Variants in MAPKAPK2 observed in about 807,000 individuals in gnomAD.
MAPKAPK2 encodes the protein MAPK activated protein kinase 2, also known as MAP kinase-activated protein kinase 2.
In MAPKAPK2, 9 loss-of-function variants were observed where a neutral mutation model predicts 48.8. That is an observed-to-expected ratio of 0.18 (90% CI 0.11 to 0.32). MAPKAPK2 has a LOEUF of 0.32. MAPKAPK2 is among the 10% of genes least tolerant of loss of function. The probability of loss-of-function intolerance (pLI) is 1.00; values close to 1 mark genes in which losing one functional copy is unlikely to be tolerated. For missense variants in MAPKAPK2, 331 were observed against 498.3 expected (o/e 0.66, Z 3.20); for synonymous variants, 202 against 190.6 (o/e 1.06, Z -0.49).
chr1:206,693,359 C>T (rs1343509597), intron 1 of MAPKAPK2, among the ~76,000 whole-genome samples: 1 of 152,174 alleles, frequency 6.6e-6, no homozygotes, highest in Admixed American at 6.5e-5. Flanking sequence ...CCTGCTTGCC[C>T]CTTTCTCTTC....
chr1:206,730,771 TGCTGGGGAGGGG>T lies in MAPKAPK2; in HGVS notation c.767+15_767+26del. 1 of 986,472 alleles carries T rather than the reference TGCTGGGGAGGGG, an allele frequency of 1.0e-6. No homozygotes were observed. Among genetic ancestry groups the T allele is most frequent in the Non-Finnish European group, 1.5e-6 (1 of 661,842 alleles). The allele number at this position is 986,472 out of a possible 1,614,324, so 61.1% of individuals were successfully genotyped here. A position where few individuals can be genotyped will look rare whatever the true frequency, so the allele number is the denominator to read the frequency against. Reference sequence around the variant, plus strand: ...TGTCATCATGTACATCCTGTGAGTGTGCTGGGGAGGGGGCTGGGTGGGGCAGGGAGTCAGGGC... The same window carrying T: ...TGTCATCATGTACATCCTGTGAGTGTGCTGGGTGGGGCAGGGAGTCAGGGC... On this transcript the variant is annotated intron_variant, in intron 6 of 9. Transcript: ENST00000367103.
At chr1:206,724,146 G>A (rs976748103) in intron 1 of MAPKAPK2, among the ~76,000 whole-genome samples, 3 of 152,208 alleles carry the variant, frequency 2.0e-5, no homozygotes, top group South Asian at 4.1e-4. Flanking sequence ...ATGGTTCAGG[G>A]CCTGTTGGCC....
intron 1 of MAPKAPK2, among the ~76,000 whole-genome samples, chr1:206,691,865 T>C (rs1553426345): frequency 6.6e-6 from 1 of 152,178 alleles, no homozygotes; most frequent in Non-Finnish European, 1.5e-5. Context: ...GCAGCCTGTG[T>C]CCAGTTAATG....
rs371586112 is a variant in MAPKAPK2, at chr1:206,708,507, TG to T, written c.280-20199del. 8.7e-4 allele frequency among the ~76,000 whole-genome samples: 132 copies of T among 152,356 alleles called. 1 individual carries two copies. The Middle Eastern group carries it at 0.017, about 20-fold the overall frequency. On this transcript the variant is annotated intron_variant, in intron 1 of 9. Coordinates refer to ENST00000367103, the MANE Select transcript of MAPKAPK2 (RefSeq NM_032960.4). ...ATCCATTGACCAGTCCATCTTATTT[TG>T]GGGATGCATTTTGTAGTAAATTGCA... is the stretch of plus-strand genomic sequence containing the variant.
At chr1:206,701,599 T>C (rs1169338091) in intron 1 of MAPKAPK2, among the ~76,000 whole-genome samples, 7 of 152,008 alleles carry the variant, frequency 4.6e-5, no homozygotes, top group African/African-American at 1.2e-4. Context: ...TTCATGAGGC[T>C]GAGGCAGGCA....
intron 4 of MAPKAPK2, 30 bp from the exon 5 acceptor site, chr1:206,729,942 G>T (rs782685184): frequency 1.2e-6 from 2 of 1,613,924 alleles, no homozygotes; most frequent in Admixed American, 1.7e-5. Flanking sequence ...GTCCAGCAGG[G>T]TTGCTATTTT....
intron 4 of MAPKAPK2, 151 bp downstream of exon 4, chr1:206,729,626 T>A: frequency 1.4e-6 from 1 of 726,102 alleles, no homozygotes; most frequent in Non-Finnish European, 2.4e-6. Context: ...TTGCCCTCTC[T>A]GCCCATGGGC....
intron 1 of MAPKAPK2, among the ~76,000 whole-genome samples, chr1:206,686,209 C>T (rs977796410): frequency 2.2e-4 from 33 of 152,320 alleles, no homozygotes; most frequent in African/African-American, 7.7e-4. Flanking sequence ...GTGTCCGCGG[C>T]CCGGCTGATC....
intron 1 of MAPKAPK2, among the ~76,000 whole-genome samples, chr1:206,721,802 G>A (rs1037964730): frequency 6.6e-6 from 1 of 152,142 alleles, no homozygotes; most frequent in African/African-American, 2.4e-5. Flanking sequence ...GCAAAGGTTG[G>A]GCAGTCAATT....
At chr1:206,723,372 T>C (rs184548597) in intron 1 of MAPKAPK2, among the ~76,000 whole-genome samples, 54 of 152,314 alleles carry the variant, frequency 3.5e-4, no homozygotes, top group Non-Finnish European at 1.2e-4. Flanking sequence ...TTATTCTTAG[T>C]TATTTACATC....
chr1:206,720,959 A>G (rs1673497578), intron 1 of MAPKAPK2, among the ~76,000 whole-genome samples: 2 of 152,348 alleles, frequency 1.3e-5, no homozygotes, highest in Middle Eastern at 3.4e-3. Context: ...TCACTTTTAC[A>G]TAAAACAACC....
chr1:206,688,712 A>G (rs1216760598), intron 1 of MAPKAPK2, among the ~76,000 whole-genome samples: 1 of 152,042 alleles, frequency 6.6e-6, no homozygotes, highest in Non-Finnish European at 1.5e-5. Flanking sequence ...ATCTTGGCTC[A>G]CTGCAAGCTC....
rs1272104950 is a variant in MAPKAPK2, at chr1:206,732,983, T to TA, written c.*266dup. The TA allele has an allele frequency of 4.9e-5, 22 of 449,816 alleles. No homozygotes were observed. The highest frequency in any genetic ancestry group is 3.0e-4 in the African/African-American group (15 of 50,722). The allele number at this position is 449,816 out of a possible 1,614,324, so 27.9% of individuals were successfully genotyped here. On this transcript the variant is annotated 3_prime_UTR_variant, in exon 10 of 10. Coordinates refer to ENST00000367103, the MANE Select transcript of MAPKAPK2 (RefSeq NM_032960.4). The surrounding 1 kb of genome is among the most constrained non-coding windows in gnomAD (Gnocchi z 4.4). ...TTGCAATTTTATCAGTAATTTGACT[T>TA]AGAGTTTTTACGAAACCTCTTTTGT...
At chr1:206,727,003 G>A (rs1002722783) in intron 1 of MAPKAPK2, among the ~76,000 whole-genome samples, 37 of 151,842 alleles carry the variant, frequency 2.4e-4, no homozygotes, top group African/African-American at 8.2e-4. Context: ...TGCTTCCCAC[G>A]TTTCCCTCTG....
rs782331833 is a variant in MAPKAPK2 at position 206,728,766 on chromosome 1, C to T, written c.336C>T (p.Ser112=). 1 of 1,613,966 alleles carries T rather than the reference C, an allele frequency of 6.2e-7. No individual in the cohort carries two copies. The highest frequency in any genetic ancestry group is 8.5e-7 in the Non-Finnish European group (1 of 1,179,992). Residue 112 remains serine, a synonymous_variant, in exon 2 of 10, where the codon TCC becomes TCT. Transcript: ENST00000367103. ...AGGTGGAGCTGCACTGGCGGGCCTC[C>T]CAGTGCCCGCACATCGTACGGATCG... ...RREVELHWRA[S]QCPHIVRIVD... is the part of the protein sequence containing the mutation.
intron 1 of MAPKAPK2, chr1:206,696,358 T>C (rs1672625051): frequency 1.4e-6 from 1 of 692,708 alleles, no homozygotes; most frequent in African/African-American, 1.8e-5. Context: ...AAAACCTACA[T>C]CTTCATTATT....
chr1:206,700,003 CTT>C (rs574216957), intron 1 of MAPKAPK2, among the ~76,000 whole-genome samples: 244 of 126,252 alleles, frequency 1.9e-3, no homozygotes, highest in African/African-American at 5.7e-3. Context: ...CTTCTTCTTA[CTT>C]TTTTTTTTTT....
At chr1:206,712,015 A>C (rs1673162166) in intron 1 of MAPKAPK2, among the ~76,000 whole-genome samples, 1 of 152,224 alleles carries the variant, frequency 6.6e-6, no homozygotes, top group Non-Finnish European at 1.5e-5. Flanking sequence ...TACTATCATA[A>C]ACTCCATTTA....
chr1:206,705,156 C>T (rs1466946790), intron 1 of MAPKAPK2, among the ~76,000 whole-genome samples: 1 of 152,152 alleles, frequency 6.6e-6, no homozygotes, highest in African/African-American at 2.4e-5. Context: ...GAGCAAAAGT[C>T]ACCTGACTCT....
Sources: gnomAD v4.1 joint callset for allele counts (sites outside exome capture counted in the v4.1 genomes callset) on GRCh38, gnomAD v4.1.1 for gene constraint, Gnocchi (gnomAD v3.1) non-coding constraint, MANE v1.5 for transcripts, NCBI Gene and HGNC (gene_info 2026-07-23, HGNC 2026-07-21) for gene names.